The following BCKDHB variants were observed in gnomAD, a reference collection of about 807,000 sequenced individuals.
BCKDHB encodes the protein 2-oxoisovalerate dehydrogenase subunit beta, mitochondrial.
BCKDHB carries 41 observed loss-of-function variants against 48.5 expected under a neutral mutation model. That is an observed-to-expected ratio of 0.85 (90% CI 0.66 to 1.10). BCKDHB has a LOEUF of 1.10. BCKDHB is among the 50% of genes least tolerant of loss of function. The pLI is 0.00. For synonymous variants in BCKDHB, 201 were observed against 174.8 expected (o/e 1.15, Z -1.18); for missense variants, 496 against 494.2 (o/e 1.00, Z -0.03).
intron 9 of BCKDHB, among the ~76,000 whole-genome samples, chr6:80,274,557 C>T (rs1054590175): frequency 1.3e-5 from 2 of 151,858 alleles, no homozygotes; most frequent in African/African-American, 2.4e-5. Flanking sequence ...TCTACTAAAC[C>T]ATTTGAAAGG....
intron 8 of BCKDHB, among the ~76,000 whole-genome samples, chr6:80,240,550 T>C (rs967181818): frequency 2.6e-5 from 4 of 152,224 alleles, no homozygotes; most frequent in Admixed American, 6.5e-5. Context: ...GCTTATCAGC[T>C]TAAGGAGATT....
chr6:80,208,768 T>A (rs1774786062), intron 8 of BCKDHB, among the ~76,000 whole-genome samples: 1 of 151,848 alleles, frequency 6.6e-6, no homozygotes, highest in Non-Finnish European at 1.5e-5. Context: ...TATTAAAAAA[T>A]TAAATTTAAT....
chr6:80,439,541 A>T, the BCKDHB span, among the ~76,000 whole-genome samples: 2 of 152,190 alleles, frequency 1.3e-5, no homozygotes, highest in African/African-American at 4.8e-5. Context: ...TATTGCAATG[A>T]CTTAAAACGA....
chr6:80,161,193 C>T (rs1772299023), intron 3 of BCKDHB, among the ~76,000 whole-genome samples: 1 of 152,024 alleles, frequency 6.6e-6, no homozygotes, highest in African/African-American at 2.4e-5. Context: ...CATTATAGAC[C>T]CCAACTGCCT....
At chr6:80,358,247 A>G in the BCKDHB span, among the ~76,000 whole-genome samples, 1 of 152,038 alleles carries the variant, frequency 6.6e-6, no homozygotes, top group East Asian at 1.9e-4. Flanking sequence ...TTATTATTTT[A>G]AGGATGCCAT....
chr6:80,364,374 A>G, the BCKDHB span, among the ~76,000 whole-genome samples: 1 of 152,132 alleles, frequency 6.6e-6, no homozygotes, highest in African/African-American at 2.4e-5. Context: ...AGGCATTGCT[A>G]TTGACTCTGA....
At chr6:80,298,357 C>T (rs773466359) in intron 9 of BCKDHB, among the ~76,000 whole-genome samples, 2 of 152,212 alleles carry the variant, frequency 1.3e-5, no homozygotes, top group Non-Finnish European at 2.9e-5. Flanking sequence ...GATCCACTTG[C>T]CTCGGCCTCC....
In BCKDHB at chr6:80,316,372, TG is replaced by T. The variant is rs1481954246; in HGVS notation, c.1039-27291del. On this transcript the variant is annotated intron_variant, in intron 9 of 9. Coordinates refer to ENST00000320393, the MANE Select transcript of BCKDHB (RefSeq NM_183050.4). ...ACAAAATATTCAGTGAAACTCAAAC[TG>T]CTTTTTTTTTATTTTTCAAAGCCTT... Among the ~76,000 whole-genome samples, 6 of 114,424 alleles carry T rather than the reference TG, an allele frequency of 5.2e-5. 1 individual carries two copies. Among genetic ancestry groups the T allele is most frequent in the Non-Finnish European group, 7.3e-5 (4 of 54,588 alleles). The allele number at this position is 114,424 out of a possible 152,430, so 75.1% of individuals were successfully genotyped here.
chr6:80,333,836 A>G (rs1769437994), intron 9 of BCKDHB, among the ~76,000 whole-genome samples: 1 of 152,148 alleles, frequency 6.6e-6, no homozygotes, highest in Non-Finnish European at 1.5e-5. Flanking sequence ...TTTTAATTTT[A>G]TATTTTATAC....
At chr6:80,436,778 T>C in the BCKDHB span, among the ~76,000 whole-genome samples, 1 of 152,232 alleles carries the variant, frequency 6.6e-6, no homozygotes, top group South Asian at 2.1e-4. Context: ...CGTAAATCCA[T>C]GTAGAGATCC....
At chr6:80,401,657 A>G in the BCKDHB span, among the ~76,000 whole-genome samples, 1 of 151,862 alleles carries the variant, frequency 6.6e-6, no homozygotes, top group African/African-American at 2.4e-5. Flanking sequence ...AGCTATAGGC[A>G]CTAAGCTTTA....
chr6:80,413,393 A>G, the BCKDHB span, among the ~76,000 whole-genome samples: 13 of 152,240 alleles, frequency 8.5e-5, no homozygotes, highest in Non-Finnish European at 1.6e-4. Flanking sequence ...TTATTTCATC[A>G]TTCACATATT....
At chr6:80,195,973 A>G (rs189532343) in intron 6 of BCKDHB, among the ~76,000 whole-genome samples, 1 of 152,278 alleles carries the variant, frequency 6.6e-6, no homozygotes, top group East Asian at 1.9e-4. Flanking sequence ...GTGTAATGCA[A>G]TATGAATAAA....
the BCKDHB span, among the ~76,000 whole-genome samples, chr6:80,413,699 T>C: frequency 6.6e-6 from 1 of 152,236 alleles, no homozygotes; most frequent in Non-Finnish European, 1.5e-5. Context: ...CAGTCTACCA[T>C]TGATGGGCAC....
downstream of BCKDHB, among the ~76,000 whole-genome samples, chr6:80,348,627 G>A (rs1459576743): frequency 6.6e-6 from 1 of 152,180 alleles, no homozygotes; most frequent in African/African-American, 2.4e-5. Context: ...CAGTCTAAAA[G>A]ACTGTGTCTC....
chr6:80,226,769 T>C (rs144328711), intron 8 of BCKDHB, among the ~76,000 whole-genome samples: 2 of 152,292 alleles, frequency 1.3e-5, no homozygotes, highest in East Asian at 3.9e-4. Flanking sequence ...TTTTTGAGGA[T>C]AACACGATAC....
At chr6:80,116,760 A>G (rs1245069496) in intron 1 of BCKDHB, among the ~76,000 whole-genome samples, 1 of 152,208 alleles carries the variant, frequency 6.6e-6, no homozygotes, top group Non-Finnish European at 1.5e-5. Flanking sequence ...AAAAAGAATT[A>G]CCAGTCTGGT....
the BCKDHB span, among the ~76,000 whole-genome samples, chr6:80,436,550 C>T: frequency 6.6e-6 from 1 of 152,146 alleles, no homozygotes; most frequent in Admixed American, 6.5e-5. Context: ...CTTCACCTGT[C>T]CCTTTCCATG....
At chr6:80,298,108 T>C (rs765771102) in intron 9 of BCKDHB, among the ~76,000 whole-genome samples, 11 of 152,146 alleles carry the variant, frequency 7.2e-5, no homozygotes, top group Non-Finnish European at 1.0e-4. Flanking sequence ...AATGCCCTTT[T>C]AAATTTCTTT....
Sources: allele counts gnomAD v4.1 joint callset (sites outside exome capture counted in the v4.1 genomes callset), GRCh38; gene constraint gnomAD v4.1.1; transcripts MANE v1.5; gene names NCBI Gene and HGNC (gene_info 2026-07-23, HGNC 2026-07-21).